DPH5: variants seen among roughly 807,000 people sequenced by gnomAD.
DPH5 encodes the protein diphthamide biosynthesis 5, also known as diphthine methyl ester synthase.
DPH5 carries 31 observed loss-of-function variants against 31.6 expected under a neutral mutation model. The ratio of observed to expected loss-of-function variants is 0.98; its 90% CI spans 0.74 to 1.32. The LOEUF (loss-of-function observed/expected upper bound fraction) is 1.32, where lower values mean the gene tolerates loss of function less well. Ranked by LOEUF, DPH5 falls within the 40% of genes most tolerant of loss-of-function variation. The probability of loss-of-function intolerance (pLI) is 0.00; values close to 1 mark genes in which losing one functional copy is unlikely to be tolerated. For synonymous variants in DPH5, 120 were observed against 115.0 expected, an observed-to-expected ratio of 1.04 and a Z score of -0.28; for missense variants, 309 against 335.7, an observed-to-expected ratio of 0.92 and a Z score of 0.62.
Position 101,010,828 on chromosome 1 carries a change from A to C in DPH5, c.369+2882T>G, listed in dbSNP as rs75986297. Among the ~76,000 whole-genome samples the C allele has an allele frequency of 6.4e-3, 972 of 152,336 alleles. 16 individuals carry two copies. The highest frequency in any genetic ancestry group is 0.02 in the African/African-American group (843 of 41,578). ...ACTCTTCCAATCCTGCCATGCCAAA[A>C]AAAAGACAACACAGTTCTTTCACTT... is the stretch of plus-strand genomic sequence containing the variant. On this transcript the variant is annotated intron_variant, in intron 4 of 7. Coordinates refer to ENST00000370109, the MANE Select transcript of DPH5 (RefSeq NM_015958.3).
chr1:100,999,045 C>T (rs753896888), intron 5 of DPH5, among the ~76,000 whole-genome samples: 10 of 152,188 alleles, frequency 6.6e-5, no homozygotes. Context: ...ATTTACAAAA[C>T]ATTAGGCCAG....
At chr1:101,020,637 C>G (rs1320368372) in intron 3 of DPH5, among the ~76,000 whole-genome samples, 1 of 151,872 alleles carries the variant, frequency 6.6e-6, no homozygotes, top group African/African-American at 2.4e-5. Flanking sequence ...CTTGACATCT[C>G]AAAGTAAACA....
chr1:100,997,196 G>T (rs976591474), intron 5 of DPH5, among the ~76,000 whole-genome samples: 1 of 152,146 alleles, frequency 6.6e-6, no homozygotes, highest in African/African-American at 2.4e-5. Flanking sequence ...TTCCAAACTA[G>T]ATTTCAAAGC....
At position 101,025,412 on chromosome 1, in the gene DPH5, T is replaced by A. The variant is rs755736052; in HGVS notation, c.32A>T (p.Asp11Val). The change falls in exon 2 of 8, where the codon GAT becomes GTT. Residue 11 changes from aspartate to valine, a missense_variant. Coordinates refer to ENST00000370109, the MANE Select transcript of DPH5 (RefSeq NM_015958.3). ...GCCCTTGACTGTGATGTCCTTGGCA[T>A]CTCCCAGGCCCAACCCGATGAGATA... is the stretch of plus-strand genomic sequence containing the variant. MLYLIGLGLG[D>V]AKDITVKGLE... is the part of the protein sequence containing the mutation. 2 of 1,614,000 alleles carry A rather than the reference T, an allele frequency of 1.2e-6. No homozygotes were observed. The highest frequency in any genetic ancestry group is 1.7e-6 in the Non-Finnish European group (2 of 1,180,024).
chr1:101,020,078 C>T lies in DPH5; in HGVS notation c.260+1563G>A, dbSNP rs2101293498. ...AAAGAAAGACTTCAAGATTTAAGGC[C>T]ATGAGAAGTCACTGAAGGTTTTTGA... On this transcript the variant is annotated intron_variant, in intron 3 of 7. Transcript: ENST00000370109. Among the ~76,000 whole-genome samples, 2 of 152,282 alleles carry T rather than the reference C, an allele frequency of 1.3e-5. 1 individual carries two copies. The highest frequency in any genetic ancestry group is 4.1e-4 in the South Asian group (2 of 4,824).
chr1:101,013,789 C>A lies in DPH5; in HGVS notation c.290G>T (p.Arg97Ile). Reference protein sequence around the residue: ...GATTHSDLVLRATKLGIPYRV... With the variant: ...GATTHSDLVLIATKLGIPYRV... ...ATAAGGAATTCCCAGCTTTGTTGCT[C>A]TTAGAACAAGATCACTGTGTGTTGT... Residue 97 changes from arginine (R) to isoleucine (I), a missense_variant, in exon 4 of 8, where the codon AGA (arginine) becomes ATA (isoleucine). Arg to Ile is a moderately conservative substitution (Grantham distance 97). Transcript: ENST00000370109. 6.2e-7 allele frequency: 1 copy of A among 1,612,936 alleles called. No individual in the cohort carries two copies. The highest frequency in any genetic ancestry group is 8.5e-7 in the Non-Finnish European group (1 of 1,179,462).
At chr1:101,009,512 C>A (rs946904679) in intron 4 of DPH5, among the ~76,000 whole-genome samples, 1 of 152,106 alleles carries the variant, frequency 6.6e-6, no homozygotes, top group Non-Finnish European at 1.5e-5. Context: ...AATCTCAATT[C>A]TCTTAATAGA....
intron 4 of DPH5, among the ~76,000 whole-genome samples, chr1:101,006,625 A>G (rs954380636): frequency 7.9e-5 from 12 of 152,190 alleles, no homozygotes; most frequent in Admixed American, 6.5e-4. Flanking sequence ...AGGGTTTTTC[A>G]TGACTACATT....
chr1:101,002,505 G>A (rs951554865), intron 4 of DPH5, among the ~76,000 whole-genome samples: 3 of 152,116 alleles, frequency 2.0e-5, no homozygotes, highest in African/African-American at 7.2e-5. Context: ...GTTAATATTA[G>A]TTCTTATCTC....
At chr1:100,991,120 A>AT (rs3835396) in intron 7 of DPH5, among the ~76,000 whole-genome samples, 16,808 of 152,274 alleles carry the variant, frequency 0.11, 1,091 homozygotes, top group Non-Finnish European at 0.15. Flanking sequence ...TTAAAATGTA[A>AT]TACTCCCTCT....
Position 101,001,591 on chromosome 1 carries a change from G to GAA in DPH5, c.370-6_370-5dup. The GAA allele has an allele frequency of 2.0e-6, 3 of 1,511,668 alleles. No homozygotes were observed. The highest frequency in any genetic ancestry group is 1.4e-5 in the African/African-American group (1 of 70,264). The allele number at this position is 1,511,668 out of a possible 1,614,324, so 93.6% of individuals were successfully genotyped here. A position where few individuals can be genotyped will look rare whatever the true frequency, so the allele number is the denominator to read the frequency against. ...CTGTCTCTCCAAACTTATATAACTAGAAAAAAAAACATTAATTAATGATGG... is the reference window on the plus strand; with the variant it reads ...CTGTCTCTCCAAACTTATATAACTAGAAAAAAAAAAACATTAATTAATGATGG... On this transcript the variant is annotated splice_region_variant and splice_polypyrimidine_tract_variant and intron_variant, in intron 4 of 7. Transcript: ENST00000370109.
intron 7 of DPH5, among the ~76,000 whole-genome samples, chr1:100,992,259 G>A (rs1430950811): frequency 2.0e-5 from 3 of 151,848 alleles, no homozygotes; most frequent in Non-Finnish European, 4.4e-5. Flanking sequence ...ATGAAAGGAG[G>A]GAGAATAAAA....
At position 101,001,504 on chromosome 1, in the gene DPH5, C is replaced by T. The variant is rs1041223729; in HGVS notation, c.453G>A (p.Lys151=). 3.1e-6 allele frequency: 5 copies of T among 1,613,466 alleles called. No homozygotes were observed. Among genetic ancestry groups the T allele is most frequent in the Non-Finnish European group, 4.2e-6 (5 of 1,179,716 alleles). Residue 151 remains lysine, a synonymous_variant, in exon 5 of 8, where the codon AAG becomes AAA. Transcript: ENST00000370109. The part of the protein sequence containing the change: ...RPESFFDKVK[K]NRQNGMHTLC... ...ATGTGTGCATGCCATTTTGTCTGTT[C>T]TTCTTCACTTTGTCAAAGAAGCTTT...
chr1:101,013,868 A>G, intron 3 of DPH5, 50 bp from the exon 4 acceptor site: 1 of 1,404,320 alleles, frequency 7.1e-7, no homozygotes, highest in African/African-American at 1.4e-5. Context: ...CACTTTTAAG[A>G]CAGTAAAGCT....
chr1:100,992,571 G>T, intron 7 of DPH5, 66 bp downstream of exon 7: 2 of 1,152,224 alleles, frequency 1.7e-6, no homozygotes, highest in Non-Finnish European at 2.6e-6. Context: ...GAGATATTAA[G>T]TCATATACAC....
intron 4 of DPH5, among the ~76,000 whole-genome samples, chr1:101,004,551 CTT>C (rs1386506198): frequency 6.6e-6 from 1 of 152,128 alleles, no homozygotes; most frequent in Non-Finnish European, 1.5e-5. Flanking sequence ...GTTTACCTAA[CTT>C]ATATTGGATT....
At chr1:101,014,413 T>C (rs1659919067) in intron 3 of DPH5, among the ~76,000 whole-genome samples, 1 of 152,256 alleles carries the variant, frequency 6.6e-6, no homozygotes, top group Non-Finnish European at 1.5e-5. Context: ...GTTTATACTA[T>C]ACTGTAGTCT....
intron 4 of DPH5, among the ~76,000 whole-genome samples, chr1:101,009,136 G>A (rs1659456135): frequency 6.6e-6 from 1 of 152,152 alleles, no homozygotes; most frequent in Non-Finnish European, 1.5e-5. Flanking sequence ...CAAGACATTA[G>A]TAGAGACTTC....
chr1:101,015,292 T>C (rs1659996828), intron 3 of DPH5, among the ~76,000 whole-genome samples: 1 of 152,106 alleles, frequency 6.6e-6, no homozygotes, highest in South Asian at 2.1e-4. Context: ...GTAGAATAGG[T>C]GTTGGGTTAG....
Sources: gnomAD v4.1 joint callset for allele counts (sites outside exome capture counted in the v4.1 genomes callset) on GRCh38, gnomAD v4.1.1 for gene constraint, MANE v1.5 for transcripts, NCBI Gene and HGNC (gene_info 2026-07-23, HGNC 2026-07-21) for gene names.